CERS6: variants seen among roughly 807,000 people sequenced by gnomAD.
CERS6 encodes ceramide synthase 6.
CERS6 carries 26 observed loss-of-function variants against 56.8 expected under a neutral mutation model. The observed-to-expected ratio is 0.46, with a 90% confidence interval of 0.34 to 0.63. The LOEUF is 0.63. Ranked by LOEUF, CERS6 falls within the 30% of genes least tolerant of loss-of-function variation. The probability of loss-of-function intolerance (pLI) is 0.01; values close to 1 mark genes in which losing one functional copy is unlikely to be tolerated. For missense variants in CERS6, 415 were observed against 467.5 expected, an observed-to-expected ratio of 0.89 and a Z score of 1.04; for synonymous variants, 164 against 173.3, an observed-to-expected ratio of 0.95 and a Z score of 0.42.
rs1386531260 is a variant in CERS6, at chr2:168,770,504, C to T, written c.*842C>T. 6.6e-6 allele frequency: 1 copy of T among 152,576 alleles called. No homozygotes were observed. 9.5% of individuals were successfully genotyped at this position (152,576 alleles called of 1,614,324 possible). A position where few individuals can be genotyped will look rare whatever the true frequency, so the allele number is the denominator to read the frequency against. On this transcript the variant is annotated 3_prime_UTR_variant, in exon 10 of 10. Transcript: ENST00000305747. ...ATCACTGTTAAGAATGGGAATTTGT[C>T]CTGTGTTCTGGGAATAACATAAAGA...
intron 3 of CERS6, among the ~76,000 whole-genome samples, chr2:168,619,057 C>G (rs1054082990): frequency 6.6e-6 from 1 of 152,098 alleles, no homozygotes; most frequent in Non-Finnish European, 1.5e-5. Context: ...GAAATAAAGC[C>G]AAATACTTAC....
intron 1 of CERS6, among the ~76,000 whole-genome samples, chr2:168,535,489 C>T (rs1023723593): frequency 3.9e-5 from 6 of 152,046 alleles, no homozygotes; most frequent in South Asian, 2.1e-4. Flanking sequence ...TACCACACTG[C>T]GCTTCCTTCC....
At chr2:168,596,942 T>C (rs1195228762) in intron 3 of CERS6, among the ~76,000 whole-genome samples, 2 of 152,226 alleles carry the variant, frequency 1.3e-5, no homozygotes, top group Non-Finnish European at 2.9e-5. Context: ...CCTTTTATTG[T>C]AGCAAAAGTG....
chr2:168,625,119 T>A (rs1457443781), intron 3 of CERS6, among the ~76,000 whole-genome samples: 1 of 152,208 alleles, frequency 6.6e-6, no homozygotes, highest in Non-Finnish European at 1.5e-5. Context: ...AATAAATTAG[T>A]TAATCTTTTT....
At chr2:168,477,343 A>C (rs1016246937) in intron 1 of CERS6, among the ~76,000 whole-genome samples, 6 of 152,162 alleles carry the variant, frequency 3.9e-5, no homozygotes, top group Admixed American at 3.9e-4. Context: ...GGGGGACATA[A>C]ACATTCAGTC....
At chr2:168,501,272 G>C (rs1322209449) in intron 1 of CERS6, among the ~76,000 whole-genome samples, 1 of 152,190 alleles carries the variant, frequency 6.6e-6, no homozygotes, top group Non-Finnish European at 1.5e-5. Flanking sequence ...TTACCCAGGA[G>C]TCAACTCCCT....
At chr2:168,743,373 G>A (rs915199849) in intron 8 of CERS6, among the ~76,000 whole-genome samples, 7 of 151,996 alleles carry the variant, frequency 4.6e-5, no homozygotes, top group Admixed American at 2.0e-4. Flanking sequence ...CAGTGCTCAC[G>A]CCTGTAATCC....
chr2:168,464,178 G>GTGTGTT (rs1693829031), intron 1 of CERS6, among the ~76,000 whole-genome samples: 2 of 127,426 alleles, frequency 1.6e-5, no homozygotes, highest in African/African-American at 6.9e-5. Flanking sequence ...TACTTTTTGT[G>GTGTGTT]TGTGTGTGTG....
chr2:168,603,174 T>G (rs576889284), intron 3 of CERS6, among the ~76,000 whole-genome samples: 1 of 152,320 alleles, frequency 6.6e-6, no homozygotes, highest in South Asian at 2.1e-4. Flanking sequence ...TTTTGCTGAG[T>G]ATCTTGTCAT....
intron 1 of CERS6, among the ~76,000 whole-genome samples, chr2:168,467,264 C>G (rs1017347222): frequency 6.6e-6 from 1 of 152,156 alleles, no homozygotes; most frequent in African/African-American, 2.4e-5. Context: ...CTAAGTGGCT[C>G]TGTAGATCTT....
At chr2:168,622,964 A>G (rs969164102) in intron 3 of CERS6, among the ~76,000 whole-genome samples, 1 of 152,214 alleles carries the variant, frequency 6.6e-6, no homozygotes, top group African/African-American at 2.4e-5. Context: ...GGAATCTGTC[A>G]TCTCACCTTT....
At chr2:168,632,549 A>T (rs952661742) in intron 4 of CERS6, among the ~76,000 whole-genome samples, 2 of 152,192 alleles carry the variant, frequency 1.3e-5, no homozygotes, top group African/African-American at 4.8e-5. Context: ...ATTTAGAAGG[A>T]TGAGTTTTAC....
At chr2:168,721,196 G>A (rs1687356933) in intron 8 of CERS6, among the ~76,000 whole-genome samples, 1 of 152,052 alleles carries the variant, frequency 6.6e-6, no homozygotes, top group Non-Finnish European at 1.5e-5. Flanking sequence ...TTATATAAAT[G>A]GTTTCATGCA....
chr2:168,462,191 T>A (rs1693791888), intron 1 of CERS6, among the ~76,000 whole-genome samples: 1 of 152,244 alleles, frequency 6.6e-6, no homozygotes, highest in Non-Finnish European at 1.5e-5. Flanking sequence ...AAAATTTTAT[T>A]ATTTTTTTTC....
chr2:168,654,052 T>C (rs13021365), intron 4 of CERS6, among the ~76,000 whole-genome samples: 24,571 of 152,166 alleles, frequency 0.16, 2,241 homozygotes, highest in South Asian at 0.35. Context: ...ACTGATAAAC[T>C]GAGATTCCTC....
chr2:168,760,974 G>T (rs1684564716), intron 8 of CERS6, among the ~76,000 whole-genome samples: 1 of 152,034 alleles, frequency 6.6e-6, no homozygotes. Flanking sequence ...AGCCAGGATG[G>T]TCTCGATCTC....
intron 1 of CERS6, among the ~76,000 whole-genome samples, chr2:168,473,051 C>G (rs1234068234): frequency 6.6e-6 from 1 of 152,074 alleles, no homozygotes; most frequent in African/African-American, 2.4e-5. Flanking sequence ...CTTATTTAAG[C>G]TTTTTGTTCT....
At chr2:168,510,850 A>T (rs1694766866) in intron 1 of CERS6, among the ~76,000 whole-genome samples, 1 of 152,152 alleles carries the variant, frequency 6.6e-6, no homozygotes, top group Non-Finnish European at 1.5e-5. Flanking sequence ...ATAAAGATAA[A>T]ATTTTATAAA....
At chr2:168,588,080 A>ATTTT (rs11396816) in intron 3 of CERS6, among the ~76,000 whole-genome samples, 3 of 138,530 alleles carry the variant, frequency 2.2e-5, no homozygotes, top group Admixed American at 7.2e-5. Context: ...TACCTGGCTA[A>ATTTT]TTTTTTTTTT....
Sources: allele counts gnomAD v4.1 joint callset (sites outside exome capture counted in the v4.1 genomes callset), GRCh38; gene constraint gnomAD v4.1.1; transcripts MANE v1.5; gene names NCBI Gene and HGNC (gene_info 2026-07-23, HGNC 2026-07-21).